The following PHLPP1 variants were observed in gnomAD, a reference collection of about 807,000 sequenced individuals.
The protein encoded by PHLPP1 is PH domain leucine-rich repeat-containing protein phosphatase 1.
PHLPP1 carries 42 observed loss-of-function variants against 117.2 expected under a neutral mutation model. That is an observed-to-expected ratio of 0.36 (90% CI 0.28 to 0.46). PHLPP1 has a LOEUF of 0.46. Ranked by LOEUF, PHLPP1 falls within the 20% of genes least tolerant of loss-of-function variation. PHLPP1 has a pLI of 1.00. For missense variants in PHLPP1, 2,084 were observed against 2,241.9 expected (o/e 0.93, Z 1.42); for synonymous variants, 1,042 against 970.7 (o/e 1.07, Z -1.37).
chr18:62,979,004 A>C lies in PHLPP1; in HGVS notation c.4727A>C (p.Glu1576Ala). 1 of 1,613,088 alleles carries C rather than the reference A, an allele frequency of 6.2e-7. No individual in the cohort carries two copies. Among genetic ancestry groups the C allele is most frequent in the Non-Finnish European group, 8.5e-7 (1 of 1,179,678 alleles). Reference sequence around the variant, plus strand: ...GACATCCACTGCAGCCGGGCCAAGGAGAAGGAGAAACAGCAGCACCTGCTT... The same window carrying C: ...GACATCCACTGCAGCCGGGCCAAGGCGAAGGAGAAACAGCAGCACCTGCTT... ...EVDIHCSRAK[E>A]KEKQQHLLQV... The change falls in exon 17 of 17, where the codon GAG (glutamate) becomes GCG (alanine). Residue 1576 changes from glutamate (E) to alanine (A), a missense_variant. Around this residue, in one of 2 missense-constraint regions of PHLPP1, gnomAD observed 1,365 missense variants for 1,605.9 expected, o/e 0.85. Transcript: ENST00000262719.
intron 1 of PHLPP1, among the ~76,000 whole-genome samples, chr18:62,743,319 T>G (rs921104230): frequency 4.6e-5 from 7 of 152,072 alleles, no homozygotes; most frequent in Non-Finnish European, 7.4e-5. Flanking sequence ...TTTTTTTTTA[T>G]TACGGAAAAT....
chr18:62,905,444 A>G (rs8091020), intron 8 of PHLPP1, among the ~76,000 whole-genome samples, 160 bp downstream of exon 8: 19,855 of 152,208 alleles, frequency 0.13, 1,727 homozygotes, highest in African/African-American at 0.24. Context: ...TCTATTGATT[A>G]AAATACATTT....
intron 1 of PHLPP1, among the ~76,000 whole-genome samples, chr18:62,807,876 G>T (rs1332540840): frequency 1.3e-5 from 2 of 152,170 alleles, no homozygotes; most frequent in Non-Finnish European, 2.9e-5. Flanking sequence ...AGTGAGTGGT[G>T]AGAGAATATG....
At chr18:62,970,180 T>C (rs1911013394) in intron 14 of PHLPP1, among the ~76,000 whole-genome samples, 1 of 152,246 alleles carries the variant, frequency 6.6e-6, no homozygotes, top group African/African-American at 2.4e-5. Flanking sequence ...CTGTTTACCT[T>C]CAAGTAATAG....
chr18:62,782,826 C>CA (rs1280394254), intron 1 of PHLPP1, among the ~76,000 whole-genome samples: 2 of 152,148 alleles, frequency 1.3e-5, no homozygotes, highest in Admixed American at 6.5e-5. Flanking sequence ...AAAGGCAGTG[C>CA]AGTGGTAATT....
At chr18:62,871,450 C>T (rs750527038) in intron 4 of PHLPP1, among the ~76,000 whole-genome samples, 2 of 151,932 alleles carry the variant, frequency 1.3e-5, no homozygotes, top group Admixed American at 6.6e-5. Flanking sequence ...GCCTCAGCCT[C>T]CCAAGTAACT....
At chr18:62,786,293 A>G (rs942867429) in intron 1 of PHLPP1, among the ~76,000 whole-genome samples, 1 of 152,142 alleles carries the variant, frequency 6.6e-6, no homozygotes, top group Non-Finnish European at 1.5e-5. Context: ...GATGCTTCCC[A>G]TATCTTGAAC....
At chr18:62,821,567 A>AAAAAG (rs1568127712) in intron 1 of PHLPP1, among the ~76,000 whole-genome samples, 5 of 149,692 alleles carry the variant, frequency 3.3e-5, no homozygotes, top group Non-Finnish European at 5.9e-5. Context: ...AAAAAAAAAA[A>AAAAAG]AAAAGAAAAG....
intron 14 of PHLPP1, among the ~76,000 whole-genome samples, chr18:62,968,082 C>G (rs1353645234): frequency 6.6e-6 from 1 of 152,166 alleles, no homozygotes; most frequent in African/African-American, 2.4e-5. Flanking sequence ...CTCTGCCTCC[C>G]AAAGAGCTAG....
intron 14 of PHLPP1, among the ~76,000 whole-genome samples, chr18:62,966,465 ATTTTT>A (rs3087157): frequency 1.8e-5 from 2 of 109,048 alleles, no homozygotes; most frequent in Non-Finnish European, 3.5e-5. Context: ...AGTTCTACAA[ATTTTT>A]TTTTTTTTTT....
intron 1 of PHLPP1, among the ~76,000 whole-genome samples, chr18:62,801,346 A>G (rs1234573603): frequency 6.7e-6 from 1 of 149,840 alleles, no homozygotes; most frequent in African/African-American, 2.5e-5. Context: ...CCTGGCTGCT[A>G]ATTTCTAATT....
At chr18:62,827,441 T>C (rs1914640395) in intron 1 of PHLPP1, among the ~76,000 whole-genome samples, 3 of 152,208 alleles carry the variant, frequency 2.0e-5, no homozygotes, top group Admixed American at 6.5e-5. Context: ...ATATTCCTTA[T>C]GTTGTAGAAC....
chr18:62,933,142 T>C (rs1339587696), intron 10 of PHLPP1, among the ~76,000 whole-genome samples: 1 of 152,226 alleles, frequency 6.6e-6, no homozygotes, highest in Non-Finnish European at 1.5e-5. Context: ...AAACATTCCA[T>C]GCTCGTGGAT....
chr18:62,765,929 C>T (rs1487162669), intron 1 of PHLPP1, among the ~76,000 whole-genome samples: 3 of 149,964 alleles, frequency 2.0e-5, no homozygotes, highest in South Asian at 2.1e-4. Flanking sequence ...ACCTGGGAGG[C>T]GGAACTTGCA....
At chr18:62,895,190 C>T (rs747933900) in intron 5 of PHLPP1, 33 bp downstream of exon 5, 1 of 1,600,732 alleles carries the variant, frequency 6.2e-7, no homozygotes, top group Non-Finnish European at 8.5e-7. Flanking sequence ...GCGGGTATAT[C>T]CAGAAGCCCC....
At position 62,895,795 on chromosome 18, in the gene PHLPP1, T is replaced by C. The variant is rs779802626; in HGVS notation, c.2228T>C (p.Leu743Ser). The part of the protein sequence containing the change: ...VGVMHNLQTF[L>S]LDGNFLQSLP... ...TTCTCTAATAGCTTACAGACATTTTTGTTGGATGGAAACTTTCTCCAATCC... is the reference window on the plus strand; with the variant it reads ...TTCTCTAATAGCTTACAGACATTTTCGTTGGATGGAAACTTTCTCCAATCC... Residue 743 changes from leucine (L) to serine (S), a missense_variant, in exon 6 of 17, where the codon TTG becomes TCG. By Grantham distance (145) the Leu-to-Ser change is moderately radical. Around this residue, in one of 2 missense-constraint regions of PHLPP1, gnomAD observed 1,365 missense variants for 1,605.9 expected, o/e 0.85. Coordinates refer to ENST00000262719, the MANE Select transcript of PHLPP1 (RefSeq NM_194449.4). 8.1e-6 allele frequency: 13 copies of C among 1,605,746 alleles called. No homozygotes were observed. The highest frequency in any genetic ancestry group is 1.0e-5 in the Non-Finnish European group (12 of 1,172,328).
chr18:62,741,021 G>GC (rs1446631735), intron 1 of PHLPP1, among the ~76,000 whole-genome samples: 1 of 152,096 alleles, frequency 6.6e-6, no homozygotes, highest in Non-Finnish European at 1.5e-5. Context: ...ATTTACTGAT[G>GC]TCTTCAGATC....
intron 1 of PHLPP1, among the ~76,000 whole-genome samples, chr18:62,811,651 T>G (rs1022714218): frequency 3.9e-5 from 6 of 152,042 alleles, no homozygotes; most frequent in Non-Finnish European, 8.8e-5. Flanking sequence ...TTGTGTGTGG[T>G]TCTAAGAAGT....
intron 12 of PHLPP1, among the ~76,000 whole-genome samples, chr18:62,952,709 C>G (rs1910498784): frequency 6.6e-6 from 1 of 152,180 alleles, no homozygotes. Flanking sequence ...TCACTGCAGC[C>G]TCAACTTCCT....
Sources: gnomAD v4.1 joint callset for allele counts (sites outside exome capture counted in the v4.1 genomes callset) on GRCh38, gnomAD v4.1.1 for gene constraint, gnomAD v4.1.1 regional missense constraint, MANE v1.5 for transcripts, NCBI Gene and HGNC (gene_info 2026-07-23, HGNC 2026-07-21) for gene names.